The following SPATA9 variants were observed in gnomAD, a reference collection of about 807,000 sequenced individuals.
SPATA9 encodes the protein spermatogenesis-associated protein 9.
SPATA9 carries 27 observed loss-of-function variants against 25.5 expected under a neutral mutation model. The observed-to-expected ratio is 1.06, with a 90% CI of 0.78 to 1.46. The LOEUF is 1.46. SPATA9 is among the 40% of genes most tolerant of loss of function. The pLI is 0.00. For synonymous variants in SPATA9, 102 were observed against 105.7 expected (o/e 0.97, Z 0.21); for missense variants, 282 against 297.5 (o/e 0.95, Z 0.38).
chr5:95,682,531 A>G lies in SPATA9; in HGVS notation c.147T>C (p.Asn49=). 1 of 1,596,770 alleles carries G rather than the reference A, an allele frequency of 6.3e-7. No homozygotes were observed. Among genetic ancestry groups the G allele is most frequent in the Non-Finnish European group, 8.6e-7 (1 of 1,165,586 alleles). ...FPTILRLSQS[N]QKREPAQKTS... ...AAAGGTTATAAAATCACATTACCTG[A>G]TTAGACTGTGATAATCTTAGGATGG... The change falls in exon 2 of 5, where the codon AAT becomes AAC. Residue 49 remains asparagine (N), a synonymous_variant. Transcript: ENST00000274432.
chr5:95,712,127 GA>G, the SPATA9 span, among the ~76,000 whole-genome samples: 1 of 152,178 alleles, frequency 6.6e-6, no homozygotes, highest in African/African-American at 2.4e-5. Flanking sequence ...TAAAGTACTG[GA>G]CAACAATTAC....
chr5:95,698,120 T>C (rs1356752544), intron 1 of SPATA9, among the ~76,000 whole-genome samples: 6 of 152,206 alleles, frequency 3.9e-5, no homozygotes, highest in Non-Finnish European at 7.3e-5. Context: ...TGGTACATAA[T>C]AGAGTGCTTG....
the SPATA9 span, among the ~76,000 whole-genome samples, chr5:95,720,540 GC>G: frequency 6.6e-6 from 1 of 152,160 alleles, no homozygotes; most frequent in Non-Finnish European, 1.5e-5. Context: ...GTGGGTGGTG[GC>G]CTAGTAACAG....
chr5:95,702,316 TA>T (rs1293441913), upstream of SPATA9, among the ~76,000 whole-genome samples: 1 of 152,186 alleles, frequency 6.6e-6, no homozygotes, highest in African/African-American at 2.4e-5. Flanking sequence ...TCCTCATATT[TA>T]AAAATACGTA....
chr5:95,675,257 A>G (rs1172762218), intron 3 of SPATA9, among the ~76,000 whole-genome samples, 155 bp downstream of exon 3: 1 of 152,226 alleles, frequency 6.6e-6, no homozygotes, highest in African/African-American at 2.4e-5. Flanking sequence ...TCCACGTTGC[A>G]CTATATTTTA....
At chr5:95,731,488 C>A in the SPATA9 span, 1 of 1,239,352 alleles carries the variant, frequency 8.1e-7, no homozygotes, top group African/African-American at 1.6e-5. Flanking sequence ...CGCTAGCCCG[C>A]CCTGGTCCCC....
At chr5:95,731,332 C>T in the SPATA9 span, 7 of 1,095,200 alleles carry the variant, frequency 6.4e-6, no homozygotes, top group Non-Finnish European at 7.7e-6. Flanking sequence ...GCAGCGGCAG[C>T]GGCAGCAGGA....
chr5:95,700,828 T>TACTA (rs1446766077), upstream of SPATA9, among the ~76,000 whole-genome samples: 1 of 152,242 alleles, frequency 6.6e-6, no homozygotes, highest in East Asian at 1.9e-4. Flanking sequence ...GTTTTACATG[T>TACTA]ACTAGTGTGT....
downstream of SPATA9, among the ~76,000 whole-genome samples, chr5:95,654,716 T>C (rs1750623062): frequency 6.6e-6 from 1 of 152,160 alleles, no homozygotes; most frequent in Non-Finnish European, 1.5e-5. Context: ...CATGCAATCA[T>C]TAAATTAATA....
downstream of SPATA9, chr5:95,656,003 A>G: frequency 6.3e-7 from 1 of 1,586,554 alleles, no homozygotes; most frequent in Non-Finnish European, 8.6e-7. Flanking sequence ...TATCAAGAAC[A>G]TTTGACATGT....
intron 2 of SPATA9, among the ~76,000 whole-genome samples, chr5:95,681,943 A>G (rs1753497317): frequency 6.6e-6 from 1 of 152,154 alleles, no homozygotes; most frequent in Non-Finnish European, 1.5e-5. Context: ...CTTTGAGTAA[A>G]TTAGGTTACA....
chr5:95,697,800 C>A (rs1390974768), intron 1 of SPATA9, among the ~76,000 whole-genome samples: 1 of 151,626 alleles, frequency 6.6e-6, no homozygotes, highest in Non-Finnish European at 1.5e-5. Flanking sequence ...AAATACCTGC[C>A]AAATACCCAG....
chr5:95,663,937 A>T lies in SPATA9; in HGVS notation c.474+16T>A. On this transcript the variant is annotated intron_variant, in intron 4 of 4. Coordinates refer to ENST00000274432, the MANE Select transcript of SPATA9 (RefSeq NM_031952.4). The stretch of plus-strand genomic sequence containing the variant: ...AGTAGATTTATTTCTAGATTCTAAT[A>T]ATTTTCTTAACTTACCAAATAAATT... 7.1e-7 allele frequency: 1 copy of T among 1,404,410 alleles called. No homozygotes were observed. Among genetic ancestry groups the T allele is most frequent in the Non-Finnish European group, 9.8e-7 (1 of 1,022,946 alleles). The allele number at this position is 1,404,410 out of a possible 1,614,324, so 87.0% of individuals were successfully genotyped here. A position where few individuals can be genotyped will look rare whatever the true frequency, so the allele number is the denominator to read the frequency against.
upstream of SPATA9, among the ~76,000 whole-genome samples, chr5:95,687,489 G>T (rs1753777937): frequency 6.6e-6 from 1 of 152,036 alleles, no homozygotes; most frequent in South Asian, 2.1e-4. Flanking sequence ...CTCCTGTAAG[G>T]CAAATAATCA....
intron 3 of SPATA9, chr5:95,674,725 T>G (rs1316547772): frequency 2.2e-6 from 1 of 456,324 alleles, no homozygotes; most frequent in Admixed American, 2.4e-5. Flanking sequence ...AGCTCTGGGT[T>G]GTTTATGGGA....
chr5:95,683,830 CCCGG>C, upstream of SPATA9, among the ~76,000 whole-genome samples: 1 of 152,308 alleles, frequency 6.6e-6, no homozygotes, highest in Admixed American at 6.5e-5. Flanking sequence ...AGCCACCACG[CCCGG>C]CCGACAGCCT....
intron 1 of SPATA9, among the ~76,000 whole-genome samples, chr5:95,696,881 G>A (rs1754036852): frequency 6.6e-6 from 1 of 152,018 alleles, no homozygotes. Context: ...AAAACAAAAC[G>A]GTAATTTCTT....
chr5:95,704,072 C>CAG, the SPATA9 span, among the ~76,000 whole-genome samples: 1 of 152,110 alleles, frequency 6.6e-6, no homozygotes, highest in Non-Finnish European at 1.5e-5. Flanking sequence ...CATACACACA[C>CAG]ACACACACAA....
chr5:95,708,079 TTAAAG>T, the SPATA9 span, among the ~76,000 whole-genome samples: 7 of 151,414 alleles, frequency 4.6e-5, no homozygotes, highest in African/African-American at 1.7e-4. Context: ...CTAACTCTGA[TTAAAG>T]TAGTTAGCCA....
Sources: gnomAD v4.1 joint callset for allele counts (sites outside exome capture counted in the v4.1 genomes callset) on GRCh38, gnomAD v4.1.1 for gene constraint, MANE v1.5 for transcripts, NCBI Gene and HGNC (gene_info 2026-07-23, HGNC 2026-07-21) for gene names.